The following DNAH5 variants were observed in gnomAD, a reference collection of about 807,000 sequenced individuals.
DNAH5 encodes axonemal beta dynein heavy chain 5.
DNAH5 carries 372 observed loss-of-function variants against 518.2 expected under a neutral mutation model. The ratio of observed to expected loss-of-function variants is 0.72; its 90% CI spans 0.66 to 0.78. The LOEUF (loss-of-function observed/expected upper bound fraction) is 0.78, where lower values mean the gene tolerates loss of function less well. Ranked by LOEUF, DNAH5 falls within the 30% of genes least tolerant of loss-of-function variation. The pLI, the probability that DNAH5 is intolerant of heterozygous loss-of-function variation, is 0.00. For missense variants in DNAH5, 5,523 were observed against 5,687.0 expected (o/e 0.97, Z 0.93); for synonymous variants, 2,039 against 2,025.9 (o/e 1.01, Z -0.17).
chr5:13,758,572 G>A (rs1266195800), intron 61 of DNAH5, among the ~76,000 whole-genome samples: 2 of 152,062 alleles, frequency 1.3e-5, no homozygotes, highest in Non-Finnish European at 2.9e-5. Flanking sequence ...AAAAATGGGA[G>A]GACATGATTT....
chr5:13,863,626 C>A (rs795511), intron 28 of DNAH5, among the ~76,000 whole-genome samples: 7,940 of 152,154 alleles, frequency 0.052, 219 homozygotes, highest in Admixed American at 0.06. Context: ...TACTACTTCC[C>A]CTCTCATCTA....
At chr5:13,761,215 T>C (rs560653899) in intron 60 of DNAH5, among the ~76,000 whole-genome samples, 34 of 152,206 alleles carry the variant, frequency 2.2e-4, no homozygotes, top group Non-Finnish European at 4.4e-4. Context: ...AGAATGTCCA[T>C]GTTTAACAAT....
At chr5:13,796,123 C>G (rs1655699943) in intron 47 of DNAH5, among the ~76,000 whole-genome samples, 1 of 152,148 alleles carries the variant, frequency 6.6e-6, no homozygotes, top group South Asian at 2.1e-4. Flanking sequence ...GGAAGCATTC[C>G]CTTTGAAAAC....
Position 13,792,454 on chromosome 5 carries a change from C to T in DNAH5, c.8225-237G>A, listed in dbSNP as rs142199371. ...TGAAAAACTGATTAAGAAATACTGC[C>T]GAAGACTCTGGTTGCACCACTTCAA... On this transcript the variant is annotated intron_variant, in intron 49 of 78. Coordinates refer to ENST00000265104, the MANE Select transcript of DNAH5 (RefSeq NM_001369.3). 5.0e-3 allele frequency among the ~76,000 whole-genome samples: 764 copies of T among 152,000 alleles called. 6 individuals carry two copies. Among genetic ancestry groups the T allele is most frequent in the Non-Finnish European group, 7.6e-3 (517 of 67,978 alleles).
intron 65 of DNAH5, among the ~76,000 whole-genome samples, chr5:13,748,020 T>C (rs1026052185): frequency 3.9e-5 from 6 of 152,220 alleles, no homozygotes; most frequent in Admixed American, 2.6e-4. Context: ...AGGTCTAACA[T>C]TGAAGTCTTT....
intron 65 of DNAH5, among the ~76,000 whole-genome samples, chr5:13,743,738 A>C (rs1748936876): frequency 1.3e-5 from 2 of 152,134 alleles, no homozygotes. Context: ...GGGGAAATGC[A>C]AATCAAAACC....
chr5:13,947,212 A>T (rs1486460782), upstream of DNAH5, among the ~76,000 whole-genome samples: 1 of 152,216 alleles, frequency 6.6e-6, no homozygotes, highest in Non-Finnish European at 1.5e-5. Context: ...TTATGTGGAC[A>T]TATGTTCTGA....
intron 1 of DNAH5, among the ~76,000 whole-genome samples, chr5:13,978,665 A>G (rs1460836082): frequency 2.0e-5 from 3 of 152,198 alleles, no homozygotes; most frequent in Admixed American, 1.3e-4. Context: ...AGCTGCCCAC[A>G]GTACTCAGTA....
At chr5:13,940,199 T>C (rs1779337205) in intron 1 of DNAH5, among the ~76,000 whole-genome samples, 1 of 152,124 alleles carries the variant, frequency 6.6e-6, no homozygotes, top group African/African-American at 2.4e-5. Context: ...CATTCCATCA[T>C]CCAAATTCTA....
rs1015653075 is a variant in DNAH5, at chr5:13,814,158, C to T, written c.7230+447G>A. 3.3e-5 allele frequency among the ~76,000 whole-genome samples: 5 copies of T among 152,110 alleles called. No homozygotes were observed. In the South Asian group the frequency reaches 6.2e-4, roughly 19 times the overall value. ...TTGCCAAGTTCAAATTTGGAACTAA[C>T]GTTATAACTAATGAATCTCATAAAA... is the stretch of plus-strand genomic sequence containing the variant. On this transcript the variant is annotated intron_variant, in intron 43 of 78. Coordinates refer to ENST00000265104, the MANE Select transcript of DNAH5 (RefSeq NM_001369.3).
intron 72 of DNAH5, among the ~76,000 whole-genome samples, chr5:13,718,220 A>G (rs1744566065): frequency 6.6e-6 from 1 of 152,160 alleles, no homozygotes; most frequent in Admixed American, 6.6e-5. Context: ...ATTCTCCTAG[A>G]GAGATTCTCT....
chr5:13,901,618 T>TAAATA, intron 13 of DNAH5, 45 bp from the exon 14 acceptor site: 1 of 1,226,180 alleles, frequency 8.2e-7, no homozygotes, highest in Non-Finnish European at 1.2e-6. Flanking sequence ...TGGAATAAAA[T>TAAATA]AAATAAAATA....
In DNAH5 at chr5:13,814,756, G is replaced by T; in HGVS notation, c.7079C>A (p.Thr2360Asn). The T allele has an allele frequency of 6.2e-7, 1 of 1,614,012 alleles. No individual in the cohort carries two copies. Among genetic ancestry groups the T allele is most frequent in the Non-Finnish European group, 8.5e-7 (1 of 1,180,002 alleles). The change falls in exon 43 of 79, where the codon ACC (threonine) becomes AAC (asparagine). Residue 2360 changes from threonine (T) to asparagine (N), a missense_variant. By Grantham distance (65) the Thr-to-Asn change is moderately conservative (BLOSUM62 0). Transcript: ENST00000265104. ...NSVLDDNKTL[T>N]LANGDRIPMA... ...GGGAATCCGATCACCATTGGCAAGG[G>T]TTAGAGTTTTGTTATCATCCAAAAC...
chr5:13,779,096 C>T (rs921428081), intron 53 of DNAH5, among the ~76,000 whole-genome samples: 3 of 152,180 alleles, frequency 2.0e-5, no homozygotes, highest in Admixed American at 6.5e-5. Context: ...TACTAACTCA[C>T]GAGGTTTTTT....
At chr5:13,834,112 T>C (rs1296077776) in intron 35 of DNAH5, among the ~76,000 whole-genome samples, 1 of 152,230 alleles carries the variant, frequency 6.6e-6, no homozygotes, top group Non-Finnish European at 1.5e-5. Flanking sequence ...ACTTCCCACA[T>C]AATCAAGTTG....
chr5:13,837,296 G>A (rs1764521180), intron 35 of DNAH5, among the ~76,000 whole-genome samples: 1 of 152,208 alleles, frequency 6.6e-6, no homozygotes, highest in Non-Finnish European at 1.5e-5. Context: ...CTGTGCTTTT[G>A]AGGGGTTTTG....
At chr5:13,849,040 C>A (rs1265582470) in intron 31 of DNAH5, among the ~76,000 whole-genome samples, 1 of 152,188 alleles carries the variant, frequency 6.6e-6, no homozygotes, top group South Asian at 2.1e-4. Context: ...CAACCATGTA[C>A]GCATGGTTTT....
intron 1 of DNAH5, among the ~76,000 whole-genome samples, chr5:14,008,183 AAAAG>A (rs199648044): frequency 2.4e-4 from 35 of 144,576 alleles, no homozygotes; most frequent in East Asian, 1.7e-3. Flanking sequence ...GAAAAAAAAA[AAAAG>A]AAAGAAAGAA....
intron 29 of DNAH5, 107 bp downstream of exon 29, chr5:13,862,441 T>C (rs538022612): frequency 5.5e-6 from 6 of 1,089,626 alleles, no homozygotes; most frequent in African/African-American, 1.6e-5. Flanking sequence ...ATTTTCAACA[T>C]TGAGTAAACT....
Sources: gnomAD v4.1 joint callset for allele counts (sites outside exome capture counted in the v4.1 genomes callset) on GRCh38, gnomAD v4.1.1 for gene constraint, MANE v1.5 for transcripts, NCBI Gene and HGNC (gene_info 2026-07-23, HGNC 2026-07-21) for gene names.